MYRIP: variants seen among roughly 807,000 people sequenced by gnomAD.
MYRIP encodes the protein myosin VIIA and Rab interacting protein.
Under a neutral mutation model 98.0 loss-of-function variants are expected in MYRIP, and 49 were observed. The observed-to-expected ratio is 0.50, with a 90% CI of 0.40 to 0.63. The LOEUF is 0.63. Among genes scored for constraint, MYRIP ranks in the 30% least tolerant of loss-of-function variants. The pLI is 0.00. For missense variants in MYRIP, 1,004 were observed against 1,058.2 expected (o/e 0.95, Z 0.71); for synonymous variants, 404 against 409.5 (o/e 0.99, Z 0.16).
rs1432066131 is a variant in MYRIP, at chr3:39,975,539, AG to A, written c.111-68510del. 3.7e-3 allele frequency among the ~76,000 whole-genome samples: 552 copies of A among 151,224 alleles called. 4 individuals carry two copies. The highest frequency in any genetic ancestry group is 0.013 in the African/African-American group (520 of 40,566). On this transcript the variant is annotated intron_variant, in intron 2 of 16. Transcript: ENST00000302541. ...CAATGACTTTCTTCACAGAATTGGA[AG>A]AAAACTACTTTAAAGTTCATATGGA...
chr3:39,981,669 C>T (rs7652142), intron 2 of MYRIP, among the ~76,000 whole-genome samples: 69,834 of 152,012 alleles, frequency 0.46, 16,538 homozygotes, highest in African/African-American at 0.6. Flanking sequence ...TTTTCATTGT[C>T]AGCCTGGCTG....
chr3:40,204,223 A>AT (rs1951730874), intron 10 of MYRIP, among the ~76,000 whole-genome samples: 1 of 6,454 alleles, frequency 1.5e-4, no homozygotes, highest in East Asian at 0.014. Flanking sequence ...TATTATATAT[A>AT]AATATATATA....
In MYRIP at chr3:39,894,485, A is replaced by G. The variant is rs189866830; in HGVS notation, c.-30-6302A>G. Reference sequence around the variant, plus strand: ...TGCTGTGTAGTGTTCCCGTGGGTGAATATACCATAGTTTGTTTTTCTCTTG... The same window carrying G: ...TGCTGTGTAGTGTTCCCGTGGGTGAGTATACCATAGTTTGTTTTTCTCTTG... On this transcript the variant is annotated intron_variant, in intron 1 of 16. Transcript: ENST00000302541. Among the ~76,000 whole-genome samples, 23 of 152,308 alleles carry G rather than the reference A, an allele frequency of 1.5e-4. No individual in the cohort carries two copies. In the East Asian group the frequency reaches 4.4e-3, roughly 29 times the overall value.
rs141961787 is a variant in MYRIP at position 40,167,192 on chromosome 3, C to A, written c.682C>A (p.His228Asn). 526 of 1,614,052 alleles carry A rather than the reference C, an allele frequency of 3.3e-4. No homozygotes were observed. Among genetic ancestry groups the A allele is most frequent in the Admixed American group, 1.1e-3 (68 of 60,000 alleles). The change falls in exon 7 of 17, where the codon CAC (histidine) becomes AAC (asparagine). Residue 228 changes from histidine to asparagine, a missense_variant. Physicochemically the swap from His to Asn is moderately conservative, Grantham distance 68 (BLOSUM62 1). Around this residue, in one of 3 missense-constraint regions of MYRIP, gnomAD observed 880 missense variants for 907.7 expected, o/e 0.97. Coordinates refer to ENST00000302541, the MANE Select transcript of MYRIP (RefSeq NM_015460.4). Reference sequence around the variant, plus strand: ...AAATGAGGCCAGTTACCTGCGGGACCACAAGGAGGAGCTAACTGAGGAACT... The same window carrying A: ...AAATGAGGCCAGTTACCTGCGGGACAACAAGGAGGAGCTAACTGAGGAACT... The part of the protein sequence containing the change: ...KQNEASYLRD[H>N]KEELTEELAT...
intron 3 of MYRIP, among the ~76,000 whole-genome samples, chr3:40,069,500 ATGT>A (rs1215768515): frequency 6.6e-6 from 1 of 151,928 alleles, no homozygotes; most frequent in Non-Finnish European, 1.5e-5. Flanking sequence ...AAGTACATTC[ATGT>A]TGTTGTGCAA....
intron 3 of MYRIP, among the ~76,000 whole-genome samples, chr3:40,089,037 C>CAG (rs1948687794): frequency 6.6e-6 from 1 of 151,924 alleles, no homozygotes; most frequent in African/African-American, 2.4e-5. Flanking sequence ...AGCTTGGGCA[C>CAG]CTGCGTAGAT....
intron 8 of MYRIP, 29 bp downstream of exon 8, chr3:40,170,122 C>A (rs755911606): frequency 1.9e-5 from 31 of 1,611,634 alleles, no homozygotes; most frequent in Non-Finnish European, 8.5e-7. Context: ...CTGGTCTACC[C>A]TCCACACGTG....
intron 3 of MYRIP, among the ~76,000 whole-genome samples, chr3:40,064,259 G>C (rs1050734976): frequency 1.7e-4 from 26 of 151,874 alleles, no homozygotes; most frequent in African/African-American, 6.0e-4. Context: ...TTCCAAGTAA[G>C]GGCAGGAGCA....
intron 3 of MYRIP, among the ~76,000 whole-genome samples, chr3:40,084,074 T>C (rs1488848238): frequency 2.5e-5 from 3 of 118,400 alleles, no homozygotes; most frequent in Non-Finnish European, 4.9e-5. Flanking sequence ...GAGGCGGAAC[T>C]TGCAGGGAGC....
At chr3:39,877,057 C>G (rs1454452128) in intron 1 of MYRIP, among the ~76,000 whole-genome samples, 3 of 152,060 alleles carry the variant, frequency 2.0e-5, no homozygotes, top group South Asian at 2.1e-4. Flanking sequence ...ATTCTTTTTT[C>G]TCTAAACTTC....
chr3:40,205,604 G>T (rs899155789), intron 10 of MYRIP, among the ~76,000 whole-genome samples: 3 of 152,128 alleles, frequency 2.0e-5, no homozygotes, highest in African/African-American at 7.2e-5. Flanking sequence ...ATTGCTCATA[G>T]TTATCCAGTT....
intron 1 of MYRIP, among the ~76,000 whole-genome samples, chr3:39,886,525 C>G (rs1483978524): frequency 6.6e-6 from 1 of 151,138 alleles, no homozygotes; most frequent in Non-Finnish European, 1.5e-5. Context: ...CAAAAAAAGG[C>G]AGGGGTTGCA....
chr3:39,971,535 C>A (rs1007473117), intron 2 of MYRIP, among the ~76,000 whole-genome samples: 2 of 152,052 alleles, frequency 1.3e-5, no homozygotes, highest in African/African-American at 4.8e-5. Flanking sequence ...AAAAATTCAT[C>A]TTGGAGAAGG....
intron 1 of MYRIP, among the ~76,000 whole-genome samples, chr3:39,816,001 A>G (rs1222686044): frequency 6.6e-6 from 1 of 151,008 alleles, no homozygotes. Flanking sequence ...TTTTCCTTCC[A>G]AAGTTTGTAT....
chr3:40,034,337 A>G (rs183803530), intron 2 of MYRIP, among the ~76,000 whole-genome samples: 1 of 152,334 alleles, frequency 6.6e-6, no homozygotes, highest in East Asian at 1.9e-4. Flanking sequence ...ACAAAGGGCT[A>G]ATATCCAGAA....
intron 3 of MYRIP, among the ~76,000 whole-genome samples, chr3:40,082,690 G>A (rs1259055975): frequency 6.6e-6 from 1 of 152,134 alleles, no homozygotes; most frequent in Non-Finnish European, 1.5e-5. Flanking sequence ...AATTACAATG[G>A]CTGAGGAAAA....
chr3:40,067,690 G>A (rs537367111), intron 3 of MYRIP, among the ~76,000 whole-genome samples: 1 of 152,230 alleles, frequency 6.6e-6, no homozygotes, highest in Non-Finnish European at 1.5e-5. Flanking sequence ...TGGTGTAGAA[G>A]GAGCTAGTCC....
chr3:39,811,536 T>C (rs979460755), intron 1 of MYRIP, among the ~76,000 whole-genome samples: 1 of 152,142 alleles, frequency 6.6e-6, no homozygotes, highest in African/African-American at 2.4e-5. Context: ...TCCATCTTCC[T>C]GCTCACGTTC....
intron 3 of MYRIP, among the ~76,000 whole-genome samples, chr3:40,091,137 T>C (rs1303932927): frequency 6.6e-6 from 1 of 152,222 alleles, no homozygotes; most frequent in East Asian, 1.9e-4. Context: ...GAGCCTTCAT[T>C]TGAGCCTTGA....
Sources: allele counts gnomAD v4.1 joint callset (sites outside exome capture counted in the v4.1 genomes callset), GRCh38; gene constraint gnomAD v4.1.1; regional missense constraint gnomAD v4.1.1; transcripts MANE v1.5; gene names NCBI Gene and HGNC (gene_info 2026-07-23, HGNC 2026-07-21).